PDE4D: variants seen among roughly 807,000 people sequenced by gnomAD.
The protein encoded by PDE4D is phosphodiesterase 4D.
Under a neutral mutation model 87.4 loss-of-function variants are expected in PDE4D, and 24 were observed. That is an observed-to-expected ratio of 0.27 (90% CI 0.20 to 0.39). PDE4D has a LOEUF of 0.39. Ranked by LOEUF, PDE4D falls within the 10% of genes least tolerant of loss-of-function variation. The probability of loss-of-function intolerance (pLI) is 1.00; values close to 1 mark genes in which losing one functional copy is unlikely to be tolerated. For synonymous variants in PDE4D, 384 were observed against 383.2 expected, an observed-to-expected ratio of 1.00 and a Z score of -0.02; for missense variants, 714 against 1,041.0, an observed-to-expected ratio of 0.69 and a Z score of 4.32.
At chr5:60,053,839 G>GA (rs1238683507) in intron 2 of PDE4D, among the ~76,000 whole-genome samples, 1 of 151,978 alleles carries the variant, frequency 6.6e-6, no homozygotes, top group Non-Finnish European at 1.5e-5. Context: ...AAATTTATAA[G>GA]AAAAAAACAA....
At chr5:59,446,408 G>A (rs553715853) in intron 1 of PDE4D, among the ~76,000 whole-genome samples, 2 of 152,112 alleles carry the variant, frequency 1.3e-5, no homozygotes, top group South Asian at 4.1e-4. Context: ...ATTCTCTTTG[G>A]GAATTATCAT....
At chr5:59,575,056 T>C (rs1822901279) in intron 1 of PDE4D, among the ~76,000 whole-genome samples, 1 of 152,174 alleles carries the variant, frequency 6.6e-6, no homozygotes, top group South Asian at 2.1e-4. Context: ...TAATAAAAAT[T>C]ATCATTTCTA....
At chr5:60,363,775 G>A (rs937777117) in intron 1 of PDE4D, among the ~76,000 whole-genome samples, 3 of 152,150 alleles carry the variant, frequency 2.0e-5, no homozygotes, top group African/African-American at 7.2e-5. Flanking sequence ...GGACTAGCAG[G>A]TTCAACAAAG....
chr5:59,852,301 G>A (rs988035488), intron 1 of PDE4D, among the ~76,000 whole-genome samples: 2 of 151,902 alleles, frequency 1.3e-5, no homozygotes, highest in African/African-American at 4.8e-5. Flanking sequence ...TGACCTATGT[G>A]AAAAAAAGGA....
chr5:59,091,788 A>G (rs1436848470), intron 5 of PDE4D, among the ~76,000 whole-genome samples: 1 of 152,122 alleles, frequency 6.6e-6, no homozygotes, highest in African/African-American at 2.4e-5. Context: ...ATACTTTCTT[A>G]AATTTTGTTA....
intron 1 of PDE4D, among the ~76,000 whole-genome samples, chr5:60,308,455 G>T (rs1347212463): frequency 6.6e-6 from 1 of 152,132 alleles, no homozygotes; most frequent in Non-Finnish European, 1.5e-5. Flanking sequence ...TTCTAACGTT[G>T]CTGTAGACAT....
At chr5:60,146,082 C>T (rs1780970194) in intron 2 of PDE4D, among the ~76,000 whole-genome samples, 2 of 152,114 alleles carry the variant, frequency 1.3e-5, no homozygotes, top group South Asian at 2.1e-4. Flanking sequence ...GGTGTGGTGG[C>T]GTGCGCCTAT....
At chr5:59,588,170 G>C (rs1825452694) in intron 1 of PDE4D, among the ~76,000 whole-genome samples, 1 of 152,088 alleles carries the variant, frequency 6.6e-6, no homozygotes, top group South Asian at 2.1e-4. Flanking sequence ...TGTTTGATTA[G>C]GGGGTGTGTA....
At chr5:59,510,939 G>A (rs17740844) in intron 1 of PDE4D, among the ~76,000 whole-genome samples, 67,666 of 151,616 alleles carry the variant, frequency 0.45, 16,557 homozygotes, top group African/African-American at 0.65. Context: ...ACCGGTGATC[G>A]TAAGATTTAA....
In PDE4D at chr5:60,227,290, C is replaced by T. The variant is rs1207146613; in HGVS notation, c.-89-41603G>A. Among the ~76,000 whole-genome samples, 6 of 151,988 alleles carry T rather than the reference C, an allele frequency of 3.9e-5. No homozygotes were observed. In the East Asian group the frequency reaches 1.2e-3, roughly 30 times the overall value. On this transcript the variant is annotated intron_variant, in intron 1 of 16. Coordinates refer to the PDE4D transcript ENST00000502484. The stretch of plus-strand genomic sequence containing the variant: ...TTGGCATTTGGTAATTATTAGTACC[C>T]TTTCCCTTTCAGTTGTGCATAAAAT...
In PDE4D at chr5:59,092,575, T is replaced by C. The variant is rs536357335; in HGVS notation, c.809-53604A>G. 3.9e-5 allele frequency among the ~76,000 whole-genome samples: 6 copies of C among 152,294 alleles called. No homozygotes were observed. The East Asian group carries it at 1.2e-3, about 29-fold the overall frequency. The stretch of plus-strand genomic sequence containing the variant: ...ATGATTTTGTAAAAGTACGGTTTCA[T>C]TTTAAATCCCTGCTTAAGCAATTTG... On this transcript the variant is annotated intron_variant, in intron 5 of 14. Coordinates refer to ENST00000340635, the MANE Select transcript of PDE4D (RefSeq NM_001104631.2).
chr5:60,420,926 T>A (rs1743035861), intron 1 of PDE4D, among the ~76,000 whole-genome samples: 2 of 152,188 alleles, frequency 1.3e-5, no homozygotes, highest in African/African-American at 4.8e-5. Context: ...GGAGACTTGC[T>A]CATTGCTAGC....
intron 1 of PDE4D, among the ~76,000 whole-genome samples, chr5:59,438,816 G>A (rs965844893): frequency 3.3e-5 from 5 of 151,984 alleles, no homozygotes; most frequent in African/African-American, 1.2e-4. Context: ...AAATAATAGA[G>A]AAACTCATAA....
At chr5:59,997,963 G>C (rs1353983121) in intron 2 of PDE4D, among the ~76,000 whole-genome samples, 2 of 152,192 alleles carry the variant, frequency 1.3e-5, no homozygotes, top group Non-Finnish European at 2.9e-5. Context: ...CCTGGAATGA[G>C]AACAGCAGGC....
At chr5:59,707,372 C>T (rs1234679577) in intron 1 of PDE4D, among the ~76,000 whole-genome samples, 16 of 152,126 alleles carry the variant, frequency 1.1e-4, no homozygotes, top group Admixed American at 1.0e-3. Flanking sequence ...CTTTATGGAG[C>T]TCTCAGTCTT....
intron 3 of PDE4D, among the ~76,000 whole-genome samples, chr5:59,912,255 T>C (rs1753534822): frequency 6.6e-6 from 1 of 152,240 alleles, no homozygotes; most frequent in African/African-American, 2.4e-5. Context: ...AAATCATTTG[T>C]TGAATGAATA....
rs1775079939 is a variant in PDE4D, at chr5:59,124,526, TA to T, written c.808+56068del. On this transcript the variant is annotated intron_variant, in intron 5 of 14. Transcript: ENST00000340635. ...AGCCTCCCTCTTTGAGATCCCTTCT[TA>T]AAAGGGTCATTCTATTAACCTACCC... Among the ~76,000 whole-genome samples the T allele has an allele frequency of 3.3e-5, 5 of 152,310 alleles. No homozygotes were observed. The South Asian group carries it at 8.3e-4, about 25-fold the overall frequency.
chr5:59,141,688 T>C (rs1777907442), intron 5 of PDE4D, among the ~76,000 whole-genome samples: 1 of 152,218 alleles, frequency 6.6e-6, no homozygotes, highest in African/African-American at 2.4e-5. Flanking sequence ...AAATTTTAAA[T>C]GAGTGGCCCA....
At position 58,975,231 on chromosome 5, in the gene PDE4D, G is replaced by A. The variant is rs1248553665; in HGVS notation, c.2014-151C>T. Among the ~76,000 whole-genome samples, 2 of 152,116 alleles carry A rather than the reference G, an allele frequency of 1.3e-5. No homozygotes were observed. The highest frequency in any genetic ancestry group is 2.9e-5 in the Non-Finnish European group (2 of 68,030). ...ATTGTCACTATTTTCAACAACAACA[G>A]ACCATTTAAAGTAAAGTATTGCTAC... On this transcript the variant is annotated intron_variant, in intron 14 of 14. Coordinates refer to ENST00000340635, the MANE Select transcript of PDE4D (RefSeq NM_001104631.2). The surrounding 1 kb of genome is among the most constrained non-coding windows in gnomAD (Gnocchi z 4.2).
Sources: gnomAD v4.1 joint callset for allele counts (sites outside exome capture counted in the v4.1 genomes callset) on GRCh38, gnomAD v4.1.1 for gene constraint, Gnocchi (gnomAD v3.1) non-coding constraint, MANE v1.5 for transcripts, NCBI Gene and HGNC (gene_info 2026-07-23, HGNC 2026-07-21) for gene names.